The following CEP128 variants were observed in gnomAD, a reference collection of about 807,000 sequenced individuals.
CEP128 encodes the protein centrosomal protein 128.
A neutral mutation model predicts 156.7 loss-of-function variants in CEP128; 132 were observed. That is an observed-to-expected ratio of 0.84 (90% CI 0.73 to 0.97). The LOEUF is 0.97. Ranked by LOEUF, CEP128 falls within the 50% of genes least tolerant of loss-of-function variation. CEP128 has a pLI of 0.00. For synonymous variants in CEP128, 469 were observed against 448.9 expected (o/e 1.04, Z -0.57); for missense variants, 1,252 against 1,281.9 (o/e 0.98, Z 0.36).
chr14:80,955,453 A>C, intron 2 of CEP128: 1 of 601,254 alleles, frequency 1.7e-6, no homozygotes, highest in Admixed American at 2.8e-5. Flanking sequence ...AAAGTGAAGC[A>C]AGCAGACTTG....
chr14:80,494,520 C>A (rs981111370), downstream of CEP128, among the ~76,000 whole-genome samples: 7 of 152,130 alleles, frequency 4.6e-5, no homozygotes, highest in African/African-American at 1.7e-4. Flanking sequence ...TGTGCCATCT[C>A]CTTATATGTA....
intron 16 of CEP128, among the ~76,000 whole-genome samples, chr14:80,767,204 G>T (rs902955873): frequency 8.5e-5 from 13 of 152,078 alleles, no homozygotes; most frequent in African/African-American, 3.1e-4. Context: ...AACTAAATGA[G>T]AAGATATCTG....
intron 13 of CEP128, among the ~76,000 whole-genome samples, chr14:80,808,109 T>C (rs919453350): frequency 4.6e-5 from 7 of 152,202 alleles, no homozygotes; most frequent in Non-Finnish European, 8.8e-5. Flanking sequence ...AACTCTATGC[T>C]TGGCCTCACA....
intron 19 of CEP128, among the ~76,000 whole-genome samples, chr14:80,653,263 C>T (rs1894987435): frequency 6.6e-6 from 1 of 151,970 alleles, no homozygotes; most frequent in Non-Finnish European, 1.5e-5. Flanking sequence ...CAGCAAATCA[C>T]CATGGCACGT....
At chr14:80,805,785 C>T (rs1329491449) in intron 13 of CEP128, among the ~76,000 whole-genome samples, 2 of 152,196 alleles carry the variant, frequency 1.3e-5, no homozygotes, top group African/African-American at 4.8e-5. Flanking sequence ...GAACTCCAAT[C>T]AATCAAAGGA....
At chr14:80,659,825 T>C (rs1295956368) in intron 19 of CEP128, among the ~76,000 whole-genome samples, 1 of 152,182 alleles carries the variant, frequency 6.6e-6, no homozygotes, top group Non-Finnish European at 1.5e-5. Flanking sequence ...CCAAGTCAGA[T>C]GTGCAATTAT....
chr14:80,735,804 T>G (rs1898500379), intron 19 of CEP128, among the ~76,000 whole-genome samples: 1 of 152,154 alleles, frequency 6.6e-6, no homozygotes, highest in Admixed American at 6.5e-5. Context: ...TAGAGGCTGC[T>G]CATATCCCTT....
intron 19 of CEP128, among the ~76,000 whole-genome samples, chr14:80,619,609 G>A (rs896173819): frequency 6.6e-5 from 10 of 151,598 alleles, no homozygotes; most frequent in African/African-American, 2.4e-4. Context: ...GGCTGAGGCA[G>A]GAGAATCACT....
intron 23 of CEP128, among the ~76,000 whole-genome samples, chr14:80,519,456 C>T (rs1017729465): frequency 6.6e-6 from 1 of 152,076 alleles, no homozygotes; most frequent in Non-Finnish European, 1.5e-5. Context: ...TTAATTTGTC[C>T]AGCCCTTCCC....
At chr14:80,740,554 A>G (rs1370924772) in intron 19 of CEP128, among the ~76,000 whole-genome samples, 3 of 149,156 alleles carry the variant, frequency 2.0e-5, no homozygotes, top group African/African-American at 7.4e-5. Flanking sequence ...AGACAGACAG[A>G]TAGATAGAAA....
chr14:80,874,340 T>G (rs1406811265), intron 8 of CEP128, among the ~76,000 whole-genome samples: 1 of 151,846 alleles, frequency 6.6e-6, no homozygotes, highest in African/African-American at 2.4e-5. Context: ...GGTGTACAAC[T>G]GTAATCCCAG....
At chr14:80,564,418 A>C (rs6574587) in intron 20 of CEP128, among the ~76,000 whole-genome samples, 94,465 of 152,088 alleles carry the variant, frequency 0.62, 30,866 homozygotes, top group African/African-American at 0.84. Context: ...ATGATATAGG[A>C]TTCCCTCAAT....
chr14:80,528,047 C>T lies in CEP128; in HGVS notation c.2959-1065G>A, dbSNP rs182149298. ...GTACGGATTTAGTGTCCCTCAAAGTCCCAAGAAACCTTAAACTTACTGAGT... is the reference window on the plus strand; with the variant it reads ...GTACGGATTTAGTGTCCCTCAAAGTTCCAAGAAACCTTAAACTTACTGAGT... On this transcript the variant is annotated intron_variant, in intron 22 of 24. Coordinates refer to ENST00000555265, the MANE Select transcript of CEP128 (RefSeq NM_152446.5). Among the ~76,000 whole-genome samples the T allele has an allele frequency of 7.2e-4, 109 of 151,912 alleles. 2 individuals carry two copies. The South Asian group carries it at 0.013, about 18-fold the overall frequency.
At chr14:80,813,257 C>T (rs76255325) in intron 13 of CEP128, among the ~76,000 whole-genome samples, 7,306 of 152,146 alleles carry the variant, frequency 0.048, 198 homozygotes, top group Middle Eastern at 0.061. Flanking sequence ...GTTGCAATTG[C>T]TTTTGGAGTT....
At chr14:80,477,461 T>C (rs745338628) in exon 15 of CEP128, 20 of 152,146 alleles carry the variant, frequency 1.3e-4, no homozygotes, top group African/African-American at 3.4e-4. Flanking sequence ...AGAGAAACCA[T>C]AAATAAAAGA....
intron 8 of CEP128, among the ~76,000 whole-genome samples, chr14:80,864,814 C>T (rs1887690451): frequency 6.6e-6 from 1 of 152,188 alleles, no homozygotes; most frequent in South Asian, 2.1e-4. Context: ...ACCTTGGCCT[C>T]CCAAAATGCT....
intron 19 of CEP128, among the ~76,000 whole-genome samples, chr14:80,672,284 A>G (rs901359778): frequency 7.0e-6 from 1 of 142,088 alleles, no homozygotes; most frequent in East Asian, 2.1e-4. Flanking sequence ...ATCATTAAAC[A>G]AATTTTGAGA....
chr14:80,701,039 A>G (rs1897057534), intron 19 of CEP128, among the ~76,000 whole-genome samples: 1 of 152,118 alleles, frequency 6.6e-6, no homozygotes. Flanking sequence ...CTGCGTGGAG[A>G]GGAAGAAGCT....
chr14:80,590,687 A>G (rs930133184), intron 19 of CEP128, among the ~76,000 whole-genome samples: 1 of 152,168 alleles, frequency 6.6e-6, no homozygotes, highest in Admixed American at 6.5e-5. Context: ...ATACAGGTAC[A>G]TACAATAGAT....
Sources: gnomAD v4.1 joint callset for allele counts (sites outside exome capture counted in the v4.1 genomes callset) on GRCh38, gnomAD v4.1.1 for gene constraint, MANE v1.5 for transcripts, NCBI Gene and HGNC (gene_info 2026-07-23, HGNC 2026-07-21) for gene names.